The following TMTC1 variants were observed in gnomAD, a reference collection of about 807,000 sequenced individuals.
The protein encoded by TMTC1 is protein O-mannosyl-transferase TMTC1.
A neutral mutation model predicts 104.8 loss-of-function variants in TMTC1; 73 were observed. The ratio of observed to expected loss-of-function variants is 0.70; its 90% CI spans 0.58 to 0.85. The LOEUF (loss-of-function observed/expected upper bound fraction) is 0.85. Among genes scored for constraint, TMTC1 ranks in the 40% least tolerant of loss-of-function variants. TMTC1 has a pLI of 0.00. For missense variants in TMTC1, 1,035 were observed against 1,096.1 expected (o/e 0.94, Z 0.79); for synonymous variants, 434 against 428.7 (o/e 1.01, Z -0.15).
chr12:29,688,952 G>A (rs1464261588), intron 5 of TMTC1, among the ~76,000 whole-genome samples: 1 of 152,084 alleles, frequency 6.6e-6, no homozygotes, highest in Non-Finnish European at 1.5e-5. Context: ...TAAGAAAAGT[G>A]TCAGGTGGGC....
intron 1 of TMTC1, among the ~76,000 whole-genome samples, chr12:29,774,477 A>C (rs372456): frequency 0.89 from 135,022 of 152,156 alleles, 61,083 homozygotes; most frequent in East Asian, 0.99. Context: ...ATTAAAAGTA[A>C]CCCTTTATTA....
chr12:29,660,886 C>G, intron 5 of TMTC1: 1 of 1,488,364 alleles, frequency 6.7e-7, no homozygotes, highest in Non-Finnish European at 8.9e-7. Context: ...TCTCAGATAC[C>G]TAAAACGGGA....
At position 29,531,041 on chromosome 12, in the gene TMTC1, T is replaced by C. The variant is rs550207489; in HGVS notation, c.1785+5168A>G. Among the ~76,000 whole-genome samples the C allele has an allele frequency of 2.0e-5, 3 of 152,300 alleles. No homozygotes were observed. The East Asian group carries it at 5.8e-4, about 29-fold the overall frequency. ...CTGGTGCTTTCCCTTTGCACAGTTG[T>C]TACGCTTGTGTTAGACATTGGGGAG... On this transcript the variant is annotated intron_variant, in intron 11 of 17. Transcript: ENST00000539277.
intron 5 of TMTC1, among the ~76,000 whole-genome samples, chr12:29,707,415 C>T (rs1941776754): frequency 6.6e-6 from 1 of 152,122 alleles, no homozygotes; most frequent in African/African-American, 2.4e-5. Flanking sequence ...CCCTTGTGTC[C>T]ATCCACTCCC....
At chr12:29,537,868 G>A (rs1200132222) in intron 10 of TMTC1, among the ~76,000 whole-genome samples, 1 of 152,148 alleles carries the variant, frequency 6.6e-6, no homozygotes, top group Non-Finnish European at 1.5e-5. Context: ...TGTTACATAA[G>A]GCAATTTCAA....
Position 29,710,849 on chromosome 12 carries a change from A to G in TMTC1, c.938+40817T>C, listed in dbSNP as rs1180269942. Among the ~76,000 whole-genome samples, 15 of 136,696 alleles carry G rather than the reference A, an allele frequency of 1.1e-4. No homozygotes were observed. The East Asian group carries it at 2.8e-3, about 25-fold the overall frequency. 89.7% of individuals were successfully genotyped at this position (136,696 alleles called of 152,430 possible). A position where few individuals can be genotyped will look rare whatever the true frequency, so the allele number is the denominator to read the frequency against. ...TATATAATATAAATATATTAATAATATATAAATATATTAATTATATTATTA... is the reference window on the plus strand; with the variant it reads ...TATATAATATAAATATATTAATAATGTATAAATATATTAATTATATTATTA... On this transcript the variant is annotated intron_variant, in intron 5 of 17. Coordinates refer to ENST00000539277, the MANE Select transcript of TMTC1 (RefSeq NM_001193451.2).
At chr12:29,644,368 G>C (rs1023305803) in intron 5 of TMTC1, among the ~76,000 whole-genome samples, 7 of 151,630 alleles carry the variant, frequency 4.6e-5, no homozygotes, top group African/African-American at 1.7e-4. Flanking sequence ...GGGGGGAAGA[G>C]TGTGAGAGGG....
chr12:29,530,674 C>T (rs955316729), intron 11 of TMTC1, among the ~76,000 whole-genome samples: 1 of 152,186 alleles, frequency 6.6e-6, no homozygotes, highest in African/African-American at 2.4e-5. Flanking sequence ...CTTCAAAGCA[C>T]CTGCTTTTGC....
At chr12:29,774,879 A>G (rs530839395) in intron 1 of TMTC1, among the ~76,000 whole-genome samples, 1 of 152,302 alleles carries the variant, frequency 6.6e-6, no homozygotes, top group South Asian at 2.1e-4. Flanking sequence ...TCCAGAGGGG[A>G]GATTGATACT....
At chr12:29,660,787 T>A in intron 5 of TMTC1, 1 of 919,016 alleles carries the variant, frequency 1.1e-6, no homozygotes, top group Non-Finnish European at 1.5e-6. Context: ...TATATATATA[T>A]ATATATATAT....
At chr12:29,605,836 C>G (rs116829939) in intron 6 of TMTC1, among the ~76,000 whole-genome samples, 5,459 of 152,182 alleles carry the variant, frequency 0.036, 353 homozygotes, top group African/African-American at 0.13. Flanking sequence ...TACCCAATAG[C>G]AAGTTTTTCA....
intron 17 of TMTC1, among the ~76,000 whole-genome samples, chr12:29,508,631 T>A (rs915828713): frequency 1.3e-5 from 2 of 152,088 alleles, no homozygotes; most frequent in Non-Finnish European, 2.9e-5. Flanking sequence ...TGGAGTGCAG[T>A]GGTGCAATGT....
chr12:29,770,925 T>C (rs1215455026), intron 1 of TMTC1, among the ~76,000 whole-genome samples: 1 of 152,166 alleles, frequency 6.6e-6, no homozygotes, highest in African/African-American at 2.4e-5. Flanking sequence ...GAAAAGGGGA[T>C]GTGATGCATG....
intron 9 of TMTC1, among the ~76,000 whole-genome samples, chr12:29,564,694 C>T (rs1267785221): frequency 6.6e-6 from 1 of 152,026 alleles, no homozygotes; most frequent in Non-Finnish European, 1.5e-5. Flanking sequence ...TTGCAACTTT[C>T]TGGGAAATTT....
At chr12:29,625,587 G>A (rs991641371) in intron 6 of TMTC1, among the ~76,000 whole-genome samples, 3 of 152,216 alleles carry the variant, frequency 2.0e-5, no homozygotes, top group Admixed American at 6.5e-5. Context: ...CAGCTGGAAT[G>A]TTCTGCTAAG....
chr12:29,722,326 T>C (rs1235072494), intron 5 of TMTC1, among the ~76,000 whole-genome samples: 3 of 152,156 alleles, frequency 2.0e-5, no homozygotes, highest in Non-Finnish European at 4.4e-5. Flanking sequence ...CCAGTTGGGT[T>C]TGATGACATA....
intron 10 of TMTC1, among the ~76,000 whole-genome samples, chr12:29,552,877 A>G (rs888668998): frequency 4.6e-5 from 7 of 152,254 alleles, no homozygotes; most frequent in African/African-American, 1.7e-4. Context: ...AGTAAAACAG[A>G]TTAAGTCAAA....
At chr12:29,760,450 A>C (rs1320190153) in intron 2 of TMTC1, among the ~76,000 whole-genome samples, 1 of 152,202 alleles carries the variant, frequency 6.6e-6, no homozygotes, top group Admixed American at 6.5e-5. Context: ...AGGGCATGAA[A>C]GTTTTTGAGG....
intron 8 of TMTC1, among the ~76,000 whole-genome samples, chr12:29,582,120 G>A (rs759330174): frequency 1.3e-5 from 2 of 152,174 alleles, no homozygotes; most frequent in Non-Finnish European, 2.9e-5. Context: ...ATGCATGCCA[G>A]ACTGACTTTT....
Sources: gnomAD v4.1 joint callset for allele counts (sites outside exome capture counted in the v4.1 genomes callset) on GRCh38, gnomAD v4.1.1 for gene constraint, MANE v1.5 for transcripts, NCBI Gene and HGNC (gene_info 2026-07-23, HGNC 2026-07-21) for gene names.